Variants in TNS1 observed in about 807,000 individuals in gnomAD.
TNS1 encodes tensin 1.
TNS1 carries 62 observed loss-of-function variants against 168.6 expected under a neutral mutation model. The observed-to-expected ratio is 0.37, with a 90% CI of 0.30 to 0.45. The LOEUF (loss-of-function observed/expected upper bound fraction) is 0.45. Among genes scored for constraint, TNS1 ranks in the 20% least tolerant of loss-of-function variants. TNS1 has a pLI of 1.00. For missense variants in TNS1, 2,240 were observed against 2,339.4 expected, an observed-to-expected ratio of 0.96 and a Z score of 0.88; for synonymous variants, 934 against 933.2, an observed-to-expected ratio of 1.00 and a Z score of -0.02.
chr2:217,847,518 C>G lies in TNS1; in HGVS notation c.2999G>C (p.Arg1000Thr). The change falls in exon 19 of 33, where the codon AGG (arginine) becomes ACG (threonine). Residue 1000 changes from arginine (R) to threonine (T), a missense_variant. Physicochemically the swap from Arg to Thr is moderately conservative, Grantham distance 71. Transcript: ENST00000682258. ...GACTGAATACCTCTTACCTGCTACC[C>G]TGTGGGCCACCAGCCCTTCTAAATT... ...PLNLEGLVAH[R>T]VAGVQAREKQ... 2 of 1,466,680 alleles carry G rather than the reference C, an allele frequency of 1.4e-6. No homozygotes were observed. The highest frequency in any genetic ancestry group is 1.8e-6 in the Non-Finnish European group (2 of 1,102,468). The allele number at this position is 1,466,680 out of a possible 1,614,324, so 90.9% of individuals were successfully genotyped here.
chr2:217,970,221 C>A (rs1159996674), intron 3 of TNS1, among the ~76,000 whole-genome samples: 1 of 152,226 alleles, frequency 6.6e-6, no homozygotes, highest in African/African-American at 2.4e-5. Context: ...TTTTTGACTT[C>A]TAGCCTCCAG....
intron 3 of TNS1, among the ~76,000 whole-genome samples, chr2:217,959,341 A>G (rs1369694384): frequency 1.3e-5 from 2 of 150,980 alleles, no homozygotes; most frequent in Non-Finnish European, 1.5e-5. Flanking sequence ...GGAACCTGGT[A>G]TCTTAGCATG....
chr2:217,972,132 G>C lies in TNS1; in HGVS notation c.186+6633C>G, dbSNP rs184671831. ...CATTTTAGTAGGGTTACCATTCCCA[G>C]CCCTCACAAGAGCTCTACAAGATAA... On this transcript the variant is annotated intron_variant, in intron 3 of 32. Coordinates refer to ENST00000682258, the MANE Select transcript of TNS1 (RefSeq NM_001387777.1). 2.6e-5 allele frequency among the ~76,000 whole-genome samples: 4 copies of C among 152,296 alleles called. No individual in the cohort carries two copies. In the East Asian group the frequency reaches 7.7e-4, roughly 29 times the overall value.
At chr2:217,964,130 G>C (rs767872362) in intron 3 of TNS1, among the ~76,000 whole-genome samples, 114 of 152,186 alleles carry the variant, frequency 7.5e-4, no homozygotes, top group Non-Finnish European at 8.4e-4. Flanking sequence ...TGACAAGCCA[G>C]TTTACACTCA....
rs3839056 is a variant in TNS1 at position 217,848,163 on chromosome 2, GGCTGCTGCTGCT to G, written c.2342_2353del (p.Gln781_Gln784del). 60 of 1,502,232 alleles carry G rather than the reference GGCTGCTGCTGCT, an allele frequency of 4.0e-5. No homozygotes were observed. Among genetic ancestry groups the G allele is most frequent in the African/African-American group, 1.1e-4 (8 of 71,874 alleles). 93.1% of individuals were successfully genotyped at this position (1,502,232 alleles called of 1,614,324 possible). A position where few individuals can be genotyped will look rare whatever the true frequency, so the allele number is the denominator to read the frequency against. On this transcript the variant is annotated inframe_deletion, in exon 19 of 33. Transcript: ENST00000682258. ...TTCCTGCTGGCGTGGAGGTGGGCGA[GGCTGCTGCTGCT>G]GCTGCTGCTGCTGCTGCCACGAATT...
At chr2:217,970,188 G>T (rs987723735) in intron 3 of TNS1, among the ~76,000 whole-genome samples, 2 of 152,220 alleles carry the variant, frequency 1.3e-5, no homozygotes, top group Non-Finnish European at 2.9e-5. Context: ...TTCAGAGGGA[G>T]CACAGGCCTG....
chr2:217,858,654 C>G, intron 18 of TNS1: 1 of 518,720 alleles, frequency 1.9e-6, no homozygotes, highest in Non-Finnish European at 2.3e-6. Flanking sequence ...GGAGCCAGTG[C>G]CGCCTGCCTG....
intron 32 of TNS1, among the ~76,000 whole-genome samples, chr2:217,805,495 CCACACACACCACCACACACACCACACA>C (rs1559131862): frequency 7.3e-5 from 1 of 13,628 alleles, no homozygotes; most frequent in Admixed American, 8.6e-4. Context: ...CACACACACA[CCACACACACCACCACACACACCACACA>C]CACCACACAC....
upstream of TNS1, among the ~76,000 whole-genome samples, chr2:218,012,315 G>C (rs909353165): frequency 2.0e-5 from 3 of 152,188 alleles, no homozygotes; most frequent in African/African-American, 7.2e-5. Flanking sequence ...GATTAAGAGA[G>C]GAGGACAACA....
rs183198554 is a variant in TNS1 at position 218,033,640 on chromosome 2, A to T, written c.156+180T>A. Among the ~76,000 whole-genome samples, 2 of 152,124 alleles carry T rather than the reference A, an allele frequency of 1.3e-5. No homozygotes were observed. Among genetic ancestry groups the T allele is most frequent in the East Asian group, 3.9e-4 (2 of 5,166 alleles). ...CCAGGGGAGCCCTCTACCCAACTGGAGGCCCCTTCACCCGGTCGTGGTCCT... is the reference window on the plus strand; with the variant it reads ...CCAGGGGAGCCCTCTACCCAACTGGTGGCCCCTTCACCCGGTCGTGGTCCT... On this transcript the variant is annotated intron_variant, in intron 1 of 1. Transcript: ENST00000649572. This position sits in a 1 kb window ranked among gnomAD's most constrained non-coding sequence, Gnocchi z 4.3.
chr2:217,884,572 C>T, intron 16 of TNS1, among the ~76,000 whole-genome samples: 1 of 152,168 alleles, frequency 6.6e-6, no homozygotes, highest in East Asian at 1.9e-4. Flanking sequence ...GGGTAATTAT[C>T]CCCTGCTAGT....
At chr2:217,818,879 T>C (rs902597072) in intron 23 of TNS1, 120 bp from the exon 24 acceptor site, 1 of 768,390 alleles carries the variant, frequency 1.3e-6, no homozygotes, top group African/African-American at 1.8e-5. Flanking sequence ...CCACTGGCAG[T>C]GCGGAAGGAC....
chr2:217,960,253 T>C (rs1049106650), intron 3 of TNS1, among the ~76,000 whole-genome samples: 3 of 152,184 alleles, frequency 2.0e-5, no homozygotes, highest in African/African-American at 4.8e-5. Flanking sequence ...AGCCAGGTGT[T>C]ATTTTCATTA....
chr2:217,966,514 A>T (rs1957645798), intron 3 of TNS1, among the ~76,000 whole-genome samples: 1 of 152,164 alleles, frequency 6.6e-6, no homozygotes, highest in Non-Finnish European at 1.5e-5. Context: ...CAGGGCCTGC[A>T]TCCAGTTAAG....
chr2:217,890,036 A>T (rs1480136427), intron 12 of TNS1, among the ~76,000 whole-genome samples: 1 of 152,236 alleles, frequency 6.6e-6, no homozygotes, highest in African/African-American at 2.4e-5. Flanking sequence ...TAGCCCAGGC[A>T]TTACTAGGCC....
In TNS1 at chr2:217,848,289, C is replaced by A. The variant is rs199985548; in HGVS notation, c.2228G>T (p.Arg743Leu). 229 of 1,543,782 alleles carry A rather than the reference C, an allele frequency of 1.5e-4. No homozygotes were observed. The highest frequency in any genetic ancestry group is 3.7e-4 in the Admixed American group (19 of 51,122). Reference sequence around the variant, plus strand: ...TTCAGCTTCCGAAAAGGATTGAGAGCGGAACATACCGCTGGGGTCATGGGC... The same window carrying A: ...TTCAGCTTCCGAAAAGGATTGAGAGAGGAACATACCGCTGGGGTCATGGGC... ...HYAHDPSGMF[R>L]SQSFSEAEPQ... Residue 743 changes from arginine to leucine, a missense_variant, in exon 19 of 33, where the codon CGC becomes CTC. This residue lies in a region of TNS1 where 2,131 missense variants were observed against 2,171.2 expected (regional missense o/e 0.98). Coordinates refer to ENST00000682258, the MANE Select transcript of TNS1 (RefSeq NM_001387777.1).
At chr2:217,883,201 A>G (rs1950849520) in intron 16 of TNS1, among the ~76,000 whole-genome samples, 1 of 152,126 alleles carries the variant, frequency 6.6e-6, no homozygotes, top group South Asian at 2.1e-4. Flanking sequence ...ATCTGATTAG[A>G]TTATTGTTTT....
intron 18 of TNS1, chr2:217,850,619 A>ACT: frequency 2.1e-6 from 2 of 948,142 alleles, no homozygotes; most frequent in Non-Finnish European, 2.5e-6. Flanking sequence ...ACACACACAC[A>ACT]CACACGCACG....
At chr2:217,958,114 T>G in intron 3 of TNS1, among the ~76,000 whole-genome samples, 1 of 152,252 alleles carries the variant, frequency 6.6e-6, no homozygotes, top group Non-Finnish European at 1.5e-5. Context: ...AATTTTATTT[T>G]AATATTTATG....
Sources: gnomAD v4.1 joint callset for allele counts (sites outside exome capture counted in the v4.1 genomes callset) on GRCh38, gnomAD v4.1.1 for gene constraint, gnomAD v4.1.1 regional missense constraint, Gnocchi (gnomAD v3.1) non-coding constraint, MANE v1.5 for transcripts, NCBI Gene and HGNC (gene_info 2026-07-23, HGNC 2026-07-21) for gene names.